Variants in GABRB1 observed in about 807,000 individuals in gnomAD.
GABRB1 encodes gamma-aminobutyric acid receptor subunit beta-1.
In GABRB1, 17 loss-of-function variants were observed where a neutral mutation model predicts 51.6. That is an observed-to-expected ratio of 0.33 (90% CI 0.23 to 0.49). The LOEUF (loss-of-function observed/expected upper bound fraction) is 0.49. GABRB1 is among the 20% of genes least tolerant of loss of function. The probability of loss-of-function intolerance (pLI) is 0.99; values close to 1 mark genes in which losing one functional copy is unlikely to be tolerated. For missense variants in GABRB1, 410 were observed against 600.6 expected, an observed-to-expected ratio of 0.68 and a Z score of 3.32; for synonymous variants, 247 against 218.9, an observed-to-expected ratio of 1.13 and a Z score of -1.14.
At chr4:47,212,178 G>A (rs906503690) in intron 4 of GABRB1, among the ~76,000 whole-genome samples, 6 of 152,166 alleles carry the variant, frequency 3.9e-5, no homozygotes, top group Non-Finnish European at 7.3e-5. Flanking sequence ...AGCCAGCTAC[G>A]CAGATCCTCC....
intron 3 of GABRB1, among the ~76,000 whole-genome samples, chr4:47,132,392 TTTTGGTTTGGTTTGGTTTGG>T (rs35774226): frequency 0.022 from 2,643 of 119,180 alleles, 66 homozygotes; most frequent in African/African-American, 0.077. Context: ...TTTTGGTTTG[TTTTGGTTTGGTTTGGTTTGG>T]TTTGGTTTGG....
At chr4:47,306,049 A>T (rs1265115256) in intron 4 of GABRB1, among the ~76,000 whole-genome samples, 1 of 152,038 alleles carries the variant, frequency 6.6e-6, no homozygotes, top group Non-Finnish European at 1.5e-5. Context: ...TTCATTTGAG[A>T]ATTTATCTGT....
At chr4:47,038,058 A>G (rs1186290020) in intron 3 of GABRB1, among the ~76,000 whole-genome samples, 1 of 152,204 alleles carries the variant, frequency 6.6e-6, no homozygotes, top group Non-Finnish European at 1.5e-5. Context: ...TTTCCAGTTC[A>G]AATATCCTAT....
chr4:47,070,730 C>A (rs780604941), intron 3 of GABRB1, among the ~76,000 whole-genome samples: 1 of 152,172 alleles, frequency 6.6e-6, no homozygotes, highest in Non-Finnish European at 1.5e-5. Context: ...GCTTCCTTTG[C>A]TGCTTACTGA....
chr4:47,028,449 T>C (rs1036065459), upstream of GABRB1, among the ~76,000 whole-genome samples: 3 of 151,842 alleles, frequency 2.0e-5, no homozygotes, highest in Admixed American at 2.0e-4. Context: ...TGTTTGCTCA[T>C]TATTTATTAG....
chr4:47,197,412 C>T (rs1372947968), intron 4 of GABRB1, among the ~76,000 whole-genome samples: 2 of 152,146 alleles, frequency 1.3e-5, no homozygotes, highest in Non-Finnish European at 1.5e-5. Context: ...ACACATAAGC[C>T]CCATGTGATG....
chr4:47,269,676 C>T (rs749323003), intron 4 of GABRB1, among the ~76,000 whole-genome samples: 2 of 151,818 alleles, frequency 1.3e-5, no homozygotes, highest in African/African-American at 2.4e-5. Context: ...CTTTCTTCCC[C>T]GTGTCTTTGT....
intron 3 of GABRB1, among the ~76,000 whole-genome samples, chr4:47,107,780 A>G (rs1039786869): frequency 4.6e-5 from 7 of 152,086 alleles, no homozygotes; most frequent in African/African-American, 1.7e-4. Flanking sequence ...GTTGCTCTTT[A>G]TCAGCAATTC....
At chr4:47,220,924 A>G (rs1210341922) in intron 4 of GABRB1, among the ~76,000 whole-genome samples, 1 of 152,016 alleles carries the variant, frequency 6.6e-6, no homozygotes, top group Non-Finnish European at 1.5e-5. Flanking sequence ...TAGATCTCAA[A>G]TCATCAGTTG....
chr4:47,329,574 A>T (rs1469741604), intron 5 of GABRB1, among the ~76,000 whole-genome samples: 1 of 148,514 alleles, frequency 6.7e-6, no homozygotes, highest in Non-Finnish European at 1.5e-5. Flanking sequence ...TTTCCATTCT[A>T]AATGGTTACC....
At chr4:47,049,307 C>G (rs911490686) in intron 3 of GABRB1, among the ~76,000 whole-genome samples, 1 of 152,138 alleles carries the variant, frequency 6.6e-6, no homozygotes, top group African/African-American at 2.4e-5. Flanking sequence ...CAGAACTGCT[C>G]TCCATTCCAG....
chr4:47,083,763 A>G lies in GABRB1; in HGVS notation c.240+51279A>G, dbSNP rs112865972. On this transcript the variant is annotated intron_variant, in intron 3 of 8. Coordinates refer to ENST00000295454, the MANE Select transcript of GABRB1 (RefSeq NM_000812.4). The stretch of plus-strand genomic sequence containing the variant: ...TTTGGAACCTTGGATATGTTAATGA[A>G]TGTTACCCCTATTTACATTTACTAG... Among the ~76,000 whole-genome samples, 427 of 152,212 alleles carry G rather than the reference A, an allele frequency of 2.8e-3. 2 individuals carry two copies. The highest frequency in any genetic ancestry group is 9.7e-3 in the African/African-American group (403 of 41,524).
chr4:47,425,512 A>AGATAGATG (rs1553884651), intron 8 of GABRB1, among the ~76,000 whole-genome samples, 162 bp from the exon 9 acceptor site: 3 of 147,990 alleles, frequency 2.0e-5, no homozygotes, highest in Non-Finnish European at 3.0e-5. Flanking sequence ...ATAGATAGAT[A>AGATAGATG]GATAGATCGA....
chr4:47,204,220 G>A (rs1720021347), intron 4 of GABRB1, among the ~76,000 whole-genome samples: 1 of 152,118 alleles, frequency 6.6e-6, no homozygotes, highest in Non-Finnish European at 1.5e-5. Flanking sequence ...TGGTGCATGT[G>A]TGCTCTGGCA....
chr4:47,398,422 A>G (rs758607523), intron 5 of GABRB1, among the ~76,000 whole-genome samples: 4 of 152,226 alleles, frequency 2.6e-5, no homozygotes, highest in South Asian at 2.1e-4. Context: ...TTAAATATGA[A>G]CAATGGTAGT....
chr4:47,029,987 C>T (rs1725236536), upstream of GABRB1, among the ~76,000 whole-genome samples: 1 of 152,004 alleles, frequency 6.6e-6, no homozygotes, highest in African/African-American at 2.4e-5. Flanking sequence ...TCTTCTTCTT[C>T]CAGGTTTTCT....
At chr4:47,148,916 A>C (rs1717299045) in intron 3 of GABRB1, among the ~76,000 whole-genome samples, 1 of 152,034 alleles carries the variant, frequency 6.6e-6, no homozygotes, top group Non-Finnish European at 1.5e-5. Context: ...GGCAACAGAT[A>C]AAAGCTATGT....
At chr4:47,354,407 C>A (rs1245940861) in intron 5 of GABRB1, among the ~76,000 whole-genome samples, 1 of 152,170 alleles carries the variant, frequency 6.6e-6, no homozygotes, top group Non-Finnish European at 1.5e-5. Flanking sequence ...AAATTATTCA[C>A]AAACTCTTTC....
chr4:47,274,455 A>G (rs540317036), intron 4 of GABRB1, among the ~76,000 whole-genome samples: 1 of 152,288 alleles, frequency 6.6e-6, no homozygotes, highest in East Asian at 1.9e-4. Flanking sequence ...CACATAGGAA[A>G]GATAAAATTA....
Sources: allele counts gnomAD v4.1 joint callset (sites outside exome capture counted in the v4.1 genomes callset), GRCh38; gene constraint gnomAD v4.1.1; transcripts MANE v1.5; gene names NCBI Gene and HGNC (gene_info 2026-07-23, HGNC 2026-07-21).